PLEKHH2: variants seen among roughly 807,000 people sequenced by gnomAD.
PLEKHH2 encodes the protein pleckstrin homology, MyTH4 and FERM domain containing H2.
Under a neutral mutation model 187.9 loss-of-function variants are expected in PLEKHH2, and 129 were observed. That is an observed-to-expected ratio of 0.69 (90% confidence interval 0.59 to 0.79). The LOEUF is 0.79. PLEKHH2 is among the 30% of genes least tolerant of loss of function. PLEKHH2 has a pLI of 0.00. For missense variants in PLEKHH2, 2,076 were observed against 1,751.2 expected (o/e 1.19, Z -3.31); for synonymous variants, 686 against 605.6 (o/e 1.13, Z -1.95).
At chr2:43,699,515 C>T (rs1669249089) in intron 7 of PLEKHH2, 132 bp from the exon 8 acceptor site, 1 of 1,098,240 alleles carries the variant, frequency 9.1e-7, no homozygotes, top group African/African-American at 1.6e-5. Context: ...GTAGCTGGGA[C>T]TACAGGTACA....
At chr2:43,687,196 C>A (rs958942410) in intron 3 of PLEKHH2, among the ~76,000 whole-genome samples, 6 of 152,022 alleles carry the variant, frequency 3.9e-5, no homozygotes, top group African/African-American at 1.5e-4. Flanking sequence ...ATCTTTATGC[C>A]CTTGTGTATT....
chr2:43,740,154 A>G (rs1671494395), intron 20 of PLEKHH2, among the ~76,000 whole-genome samples: 1 of 152,212 alleles, frequency 6.6e-6, no homozygotes, highest in Admixed American at 6.5e-5. Flanking sequence ...CGTTTTAAAA[A>G]TGACTGAAAA....
chr2:43,721,424 G>A (rs914171211), intron 16 of PLEKHH2, among the ~76,000 whole-genome samples: 2 of 152,154 alleles, frequency 1.3e-5, no homozygotes, highest in African/African-American at 4.8e-5. Context: ...CTGTTACTGT[G>A]TTAATGAGAC....
chr2:43,682,745 C>A (rs1668267993), intron 3 of PLEKHH2, among the ~76,000 whole-genome samples: 1 of 152,196 alleles, frequency 6.6e-6, no homozygotes, highest in Non-Finnish European at 1.5e-5. Context: ...CTCCCACTAG[C>A]CCCTGGCAAC....
intron 2 of PLEKHH2, among the ~76,000 whole-genome samples, chr2:43,665,450 G>A (rs1433356646): frequency 6.2e-5 from 7 of 113,246 alleles, no homozygotes; most frequent in Middle Eastern, 4.0e-3. Flanking sequence ...TAATTTGATC[G>A]TCTGAAACCT....
chr2:43,637,900 C>T (rs953546647), intron 1 of PLEKHH2, among the ~76,000 whole-genome samples: 1 of 152,220 alleles, frequency 6.6e-6, no homozygotes, highest in Non-Finnish European at 1.5e-5. Flanking sequence ...GTGACCTACC[C>T]GGAAACCACT....
intron 15 of PLEKHH2, among the ~76,000 whole-genome samples, chr2:43,718,675 A>G (rs1485345709): frequency 6.6e-6 from 1 of 152,192 alleles, no homozygotes; most frequent in Admixed American, 6.5e-5. Context: ...TTAAAGATAA[A>G]TCATTTCAGA....
chr2:43,655,915 T>C (rs912155089), intron 2 of PLEKHH2, among the ~76,000 whole-genome samples: 5 of 152,296 alleles, frequency 3.3e-5, no homozygotes, highest in African/African-American at 1.2e-4. Flanking sequence ...AACTTATCAT[T>C]GTGCCATTAA....
Position 43,710,292 on chromosome 2 carries a change from G to T in PLEKHH2, c.2176G>T (p.Val726Phe). ...KVKSWKRRWF[V>F]LKGGELLYYK... ...CAAGTCTTGGAAGCGGCGGTGGTTT[G>T]TTCTTAAAGGTGGTGAATTACTTTA... The change falls in exon 13 of 30, where the codon GTT becomes TTT. Residue 726 changes from valine to phenylalanine, a missense_variant. Physicochemically the swap from Val to Phe is conservative, Grantham distance 50. Transcript: ENST00000282406. 3.7e-6 allele frequency: 6 copies of T among 1,614,096 alleles called. No homozygotes were observed. The highest frequency in any genetic ancestry group is 5.1e-6 in the Non-Finnish European group (6 of 1,179,980).
intron 18 of PLEKHH2, among the ~76,000 whole-genome samples, chr2:43,730,441 C>G (rs1572632324): frequency 6.6e-6 from 1 of 152,196 alleles, no homozygotes; most frequent in Admixed American, 6.5e-5. Flanking sequence ...CTCTGTCACC[C>G]AGGCTGGAGT....
chr2:43,765,623 T>A lies in PLEKHH2; in HGVS notation c.*25T>A, dbSNP rs374963558. The A allele has an allele frequency of 3.1e-5, 50 of 1,604,946 alleles. No individual in the cohort carries two copies. The highest frequency in any genetic ancestry group is 5.1e-5 in the Admixed American group (3 of 58,486). On this transcript the variant is annotated 3_prime_UTR_variant, in exon 30 of 30. Transcript: ENST00000282406. The stretch of plus-strand genomic sequence containing the variant: ...AAAGCTGGGGAGCCTGAACATTCAC[T>A]CCTTGTCCTCCATGCTGTGGCTGTA...
intron 14 of PLEKHH2, chr2:43,710,862 A>C (rs934479757): frequency 2.6e-6 from 3 of 1,161,276 alleles, no homozygotes; most frequent in Non-Finnish European, 3.2e-6. Context: ...CCAACTGTGA[A>C]GCTATTTTAA....
chr2:43,658,973 C>CTTTTTTTTTTTTTTTTTTTTTTTTTTTT (rs34486426), intron 2 of PLEKHH2: 1 of 122,806 alleles, frequency 8.1e-6, no homozygotes, highest in Non-Finnish European at 1.7e-5. Context: ...TTTTTTCTTT[C>CTTTTTTTTTTTTTTTTTTTTTTTTTTTT]TTTTTTTTTT....
chr2:43,695,252 G>A, intron 6 of PLEKHH2, 28 bp downstream of exon 6: 1 of 1,375,670 alleles, frequency 7.3e-7, no homozygotes, highest in Non-Finnish European at 1.0e-6. Flanking sequence ...AGATAGCTTA[G>A]TTGGATTTAT....
In PLEKHH2 at chr2:43,765,575, A is replaced by G; in HGVS notation, c.4459A>G (p.Thr1487Ala). The G allele has an allele frequency of 6.2e-7, 1 of 1,613,766 alleles. No homozygotes were observed. Among genetic ancestry groups the G allele is most frequent in the Non-Finnish European group, 8.5e-7 (1 of 1,179,908 alleles). Reference sequence around the variant, plus strand: ...GCCTCTTCTGTCAAGCAGCAGACCGACCAAAGGCCCCACCTTACTCTGAAA... The same window carrying G: ...GCCTCTTCTGTCAAGCAGCAGACCGGCCAAAGGCCCCACCTTACTCTGAAA... ...SQPLLSSSRP[T>A]KGPTLL is the part of the protein sequence containing the mutation. The change falls in exon 30 of 30, where the codon ACC (threonine) becomes GCC (alanine). Residue 1487 changes from threonine (T) to alanine (A), a missense_variant. Thr to Ala is a moderately conservative substitution (Grantham distance 58, BLOSUM62 0). Coordinates refer to ENST00000282406, the MANE Select transcript of PLEKHH2 (RefSeq NM_172069.4).
At chr2:43,758,791 C>T in intron 26 of PLEKHH2, 109 bp from the exon 27 acceptor site, 1 of 899,352 alleles carries the variant, frequency 1.1e-6, no homozygotes, top group Non-Finnish European at 1.6e-6. Context: ...GCCTAGGGAT[C>T]ACAGTTATGC....
intron 2 of PLEKHH2, chr2:43,675,889 G>A: frequency 6.2e-7 from 1 of 1,614,096 alleles, no homozygotes; most frequent in Non-Finnish European, 8.5e-7. Flanking sequence ...GACAGCAAAC[G>A]TAGTGGGAAG....
intron 2 of PLEKHH2, among the ~76,000 whole-genome samples, chr2:43,653,226 C>T (rs151187145): frequency 6.6e-6 from 1 of 151,994 alleles, no homozygotes; most frequent in East Asian, 1.9e-4. Context: ...ATAATTTCCA[C>T]CTCAAGTTAC....
intron 2 of PLEKHH2, among the ~76,000 whole-genome samples, chr2:43,647,661 C>A (rs1157020008): frequency 1.3e-5 from 2 of 152,164 alleles, no homozygotes; most frequent in Non-Finnish European, 2.9e-5. Context: ...TCAAATGTTG[C>A]ATTCCAGAGA....
Sources: gnomAD v4.1 joint callset for allele counts (sites outside exome capture counted in the v4.1 genomes callset) on GRCh38, gnomAD v4.1.1 for gene constraint, MANE v1.5 for transcripts, NCBI Gene and HGNC (gene_info 2026-07-23, HGNC 2026-07-21) for gene names.